The following SPTBN1 variants were observed in gnomAD, a reference collection of about 807,000 sequenced individuals.
The protein encoded by SPTBN1 is spectrin beta chain, non-erythrocytic 1.
SPTBN1 carries 32 observed loss-of-function variants against 266.4 expected under a neutral mutation model. The observed-to-expected ratio is 0.12, with a 90% CI of 0.09 to 0.16. The LOEUF is 0.16. Ranked by LOEUF, SPTBN1 falls within the 10% of genes least tolerant of loss-of-function variation. The pLI, the probability that SPTBN1 is intolerant of heterozygous loss-of-function variation, is 1.00. For missense variants in SPTBN1, 2,296 were observed against 3,067.1 expected (o/e 0.75, Z 5.94); for synonymous variants, 1,336 against 1,162.2 (o/e 1.15, Z -3.04).
rs568948775 is a variant in SPTBN1, at chr2:54,573,688, A to G, written c.149-25404A>G. 7.4e-4 allele frequency among the ~76,000 whole-genome samples: 113 copies of G among 152,324 alleles called. 1 individual carries two copies. The highest frequency in any genetic ancestry group is 2.6e-3 in the African/African-American group (108 of 41,574). On this transcript the variant is annotated intron_variant, in intron 2 of 35. Coordinates refer to ENST00000356805, the MANE Select transcript of SPTBN1 (RefSeq NM_003128.3). The stretch of plus-strand genomic sequence containing the variant: ...AACTCCTTTTGGACTACTAGGAGAC[A>G]TGGTCATTAGAATAATTATGATTCT...
chr2:54,664,905 G>C lies in SPTBN1; in HGVS notation c.6659+214G>C. 1.8e-6 allele frequency: 1 copy of C among 567,310 alleles called. No individual in the cohort carries two copies. Among genetic ancestry groups the C allele is most frequent in the Admixed American group, 3.1e-5 (1 of 32,540 alleles). The allele number at this position is 567,310 out of a possible 1,614,324, so 35.1% of individuals were successfully genotyped here. ...GAAGAAGAGTTGAGTTTGGATGGGAGTAGCTAGAAGGGGCTTTAGTAGTTC... is the reference window on the plus strand; with the variant it reads ...GAAGAAGAGTTGAGTTTGGATGGGACTAGCTAGAAGGGGCTTTAGTAGTTC... On this transcript the variant is annotated intron_variant, in intron 33 of 35. Transcript: ENST00000356805. This position sits in a 1 kb window ranked among gnomAD's most constrained non-coding sequence, Gnocchi z 5.6.
At chr2:54,531,608 GT>G (rs71408766) in intron 2 of SPTBN1, among the ~76,000 whole-genome samples, 139 of 142,098 alleles carry the variant, frequency 9.8e-4, no homozygotes, top group Admixed American at 1.8e-3. Context: ...TTTGTTTTTT[GT>G]TTTTTTTTTT....
At chr2:54,488,879 A>G (rs760939640) in intron 1 of SPTBN1, among the ~76,000 whole-genome samples, 1 of 152,206 alleles carries the variant, frequency 6.6e-6, no homozygotes, top group African/African-American at 2.4e-5. Context: ...CTTGTATACA[A>G]TAAGTGCCAT....
chr2:54,645,260 A>C lies in SPTBN1; in HGVS notation c.4301A>C (p.Lys1434Thr). 2 of 1,614,212 alleles carry C rather than the reference A, an allele frequency of 1.2e-6. No individual in the cohort carries two copies. Among genetic ancestry groups the C allele is most frequent in the Non-Finnish European group, 1.7e-6 (2 of 1,180,024 alleles). The stretch of plus-strand genomic sequence containing the variant: ...GAGAATCAGATGGAAGTGCGGAAGA[A>C]GGAGATCGAAGAGCTCCAAAGCCAA... ...MLENQMEVRKKEIEELQSQAQ... is the reference protein window; with the variant it reads ...MLENQMEVRKTEIEELQSQAQ... Residue 1434 changes from lysine (K) to threonine (T), a missense_variant, in exon 21 of 36, where the codon AAG (lysine) becomes ACG (threonine). Around this residue, in one of 12 missense-constraint regions of SPTBN1, gnomAD observed 386 missense variants for 486.1 expected, o/e 0.79. Coordinates refer to ENST00000356805, the MANE Select transcript of SPTBN1 (RefSeq NM_003128.3). This position sits in a 1 kb window ranked among gnomAD's most constrained non-coding sequence, Gnocchi z 4.3.
chr2:54,485,775 T>A (rs1273890291), intron 1 of SPTBN1, among the ~76,000 whole-genome samples: 1 of 146,330 alleles, frequency 6.8e-6, no homozygotes, highest in Non-Finnish European at 1.5e-5. Flanking sequence ...CCATCACATC[T>A]AGGAAGTGAG....
chr2:54,649,127 G>T lies in SPTBN1; in HGVS notation c.5139G>T (p.Trp1713Cys). Residue 1713 changes from tryptophan to cysteine, a missense_variant, in exon 25 of 36, where the codon TGG becomes TGT. Transcript: ENST00000356805. The surrounding 1 kb of genome is among the most constrained non-coding windows in gnomAD (Gnocchi z 6.7). ...LNREVDDLEQ[W>C]IAEREVVAGS... ...GGGAGGTGGACGACCTGGAGCAGTG[G>T]ATCGCTGAGAGGGAGGTGGTCGCAG... 1 of 1,613,456 alleles carries T rather than the reference G, an allele frequency of 6.2e-7. No individual in the cohort carries two copies. Among genetic ancestry groups the T allele is most frequent in the Non-Finnish European group, 8.5e-7 (1 of 1,179,544 alleles).
chr2:54,471,223 A>G (rs1229519601), intron 1 of SPTBN1, among the ~76,000 whole-genome samples: 3 of 152,188 alleles, frequency 2.0e-5, no homozygotes, highest in African/African-American at 7.2e-5. Context: ...GTCTCTACGA[A>G]AACAAACAAA....
chr2:54,624,519 G>A (rs556270099), intron 10 of SPTBN1, among the ~76,000 whole-genome samples: 2 of 152,242 alleles, frequency 1.3e-5, no homozygotes, highest in South Asian at 4.1e-4. Flanking sequence ...TAAAGTAAGA[G>A]ATTTATAATT....
chr2:54,654,748 C>G (rs1572763498), intron 27 of SPTBN1, among the ~76,000 whole-genome samples: 2 of 152,202 alleles, frequency 1.3e-5, no homozygotes, highest in Admixed American at 1.3e-4. Flanking sequence ...TTCTGACTTG[C>G]ATTTCAAAGT....
chr2:54,644,580 G>A lies in SPTBN1; in HGVS notation c.4263G>A (p.Lys1421=). The A allele has an allele frequency of 6.2e-7, 1 of 1,601,246 alleles. No homozygotes were observed. Among genetic ancestry groups the A allele is most frequent in the African/African-American group, 1.3e-5 (1 of 74,786 alleles). The part of the protein sequence containing the change: ...DLTSVNILLK[K]QQMLENQMEV... ...CCAGTGTCAATATCCTGCTGAAAAA[G>A]CAACAGGCAAGTGGACAAGCCATCA... is the stretch of plus-strand genomic sequence containing the variant. Residue 1421 remains lysine, a synonymous_variant, in exon 20 of 36, where the codon AAG becomes AAA. Coordinates refer to ENST00000356805, the MANE Select transcript of SPTBN1 (RefSeq NM_003128.3).
intron 3 of SPTBN1, among the ~76,000 whole-genome samples, chr2:54,602,265 T>G (rs1312916773): frequency 6.6e-6 from 1 of 152,180 alleles, no homozygotes; most frequent in African/African-American, 2.4e-5. Context: ...GATAAAAGTG[T>G]GAGCACAGAA....
intron 2 of SPTBN1, among the ~76,000 whole-genome samples, chr2:54,576,692 G>C (rs116134315): frequency 0.037 from 5,706 of 152,246 alleles, 346 homozygotes; most frequent in African/African-American, 0.12. Flanking sequence ...AGATCACTGA[G>C]GGAGCCATCA....
At chr2:54,599,021 GC>G in intron 2 of SPTBN1, 70 bp from the exon 3 acceptor site, 1 of 1,560,422 alleles carries the variant, frequency 6.4e-7, no homozygotes. Context: ...GGGTCTTGTG[GC>G]CCTGCTAGCA....
At chr2:54,456,814 C>T (rs1693057662) in intron 1 of SPTBN1, among the ~76,000 whole-genome samples, 1 of 151,182 alleles carries the variant, frequency 6.6e-6, no homozygotes, top group African/African-American at 2.4e-5. Context: ...CCGCTGCCGT[C>T]CGGCCCCAGC....
intron 2 of SPTBN1, among the ~76,000 whole-genome samples, chr2:54,552,065 G>C (rs1288295208): frequency 6.6e-6 from 1 of 152,132 alleles, no homozygotes; most frequent in Non-Finnish European, 1.5e-5. Flanking sequence ...ATCCCAGAGG[G>C]AGGACTGGTC....
At chr2:54,492,685 A>G (rs1388810768) in intron 1 of SPTBN1, among the ~76,000 whole-genome samples, 1 of 152,222 alleles carries the variant, frequency 6.6e-6, no homozygotes, top group African/African-American at 2.4e-5. Flanking sequence ...CTGAGGACAC[A>G]TGGACACGTC....
intron 1 of SPTBN1, among the ~76,000 whole-genome samples, chr2:54,513,802 A>G (rs1023357113): frequency 5.3e-5 from 8 of 152,232 alleles, no homozygotes; most frequent in African/African-American, 1.4e-4. Context: ...TGCCATGTAT[A>G]TGAGAATAGC....
At chr2:54,544,798 T>G (rs986401341) in intron 2 of SPTBN1, among the ~76,000 whole-genome samples, 5 of 152,166 alleles carry the variant, frequency 3.3e-5, no homozygotes, top group Non-Finnish European at 7.3e-5. Flanking sequence ...TTATTATACT[T>G]TAAGTTCTAG....
chr2:54,467,402 G>A (rs919093915), intron 1 of SPTBN1, among the ~76,000 whole-genome samples: 1 of 151,872 alleles, frequency 6.6e-6, no homozygotes, highest in Non-Finnish European at 1.5e-5. Flanking sequence ...CTTTGTTGTT[G>A]CTGTTGTTGG....
Sources: allele counts gnomAD v4.1 joint callset (sites outside exome capture counted in the v4.1 genomes callset), GRCh38; gene constraint gnomAD v4.1.1; regional missense constraint gnomAD v4.1.1; non-coding constraint Gnocchi (gnomAD v3.1); transcripts MANE v1.5; gene names NCBI Gene and HGNC (gene_info 2026-07-23, HGNC 2026-07-21).